PTX4: variants seen among roughly 807,000 people sequenced by gnomAD.
PTX4 encodes pentraxin 4.
A neutral mutation model predicts 19.1 loss-of-function variants in PTX4; 23 were observed. That is an observed-to-expected ratio of 1.20 (90% CI 0.87 to 1.70). The LOEUF (loss-of-function observed/expected upper bound fraction) is 1.70. Ranked by LOEUF, PTX4 falls within the 40% of genes most tolerant of loss-of-function variation. The pLI is 0.00. For synonymous variants in PTX4, 317 were observed against 279.6 expected, an observed-to-expected ratio of 1.13 and a Z score of -1.33; for missense variants, 678 against 610.5, an observed-to-expected ratio of 1.11 and a Z score of -1.17.
At position 1,487,640 on chromosome 16, in the gene PTX4, C is replaced by A; in HGVS notation, c.472G>T (p.Glu158Ter). The change falls in exon 2 of 3, where the codon GAG (glutamate) becomes TAG (stop). Residue 158 changes from glutamate (E) to a stop codon, truncating the protein, a stop_gained. Coordinates refer to ENST00000447419, the MANE Select transcript of PTX4 (RefSeq NM_001328608.2). LOFTEE classifies it high-confidence loss of function. ...DALQDSLARL[E>*]GLVHSQGARL... ...GCGCCCTGGCTGTGGACGAGGCCCT[C>A]CAGGCGTGCCAGTGAGTCCTGCAGG... 6.3e-7 allele frequency: 1 copy of A among 1,582,340 alleles called. No homozygotes were observed. Among genetic ancestry groups the A allele is most frequent in the Non-Finnish European group, 8.6e-7 (1 of 1,160,622 alleles).
intron 1 of PTX4, chr16:1,488,385 T>C (rs1188323402): frequency 1.2e-6 from 2 of 1,613,792 alleles, no homozygotes; most frequent in African/African-American, 2.7e-5. Flanking sequence ...GAACTGTCCG[T>C]GGACCCCGCG....
At position 1,487,699 on chromosome 16, in the gene PTX4, C is replaced by T. The variant is rs570112487; in HGVS notation, c.413G>A (p.Arg138Gln). 276 of 1,611,008 alleles carry T rather than the reference C, an allele frequency of 1.7e-4. 2 individuals carry two copies. The highest frequency in any genetic ancestry group is 4.0e-4 in the East Asian group (18 of 44,824). The change falls in exon 2 of 3, where the codon CGG becomes CAG. Residue 138 changes from arginine to glutamine, a missense_variant. Coordinates refer to ENST00000447419, the MANE Select transcript of PTX4 (RefSeq NM_001328608.2). ...CTGGGCCTTGTGTGCCTTCCTTTCC[C>T]GGGCCCGCTGCTGGCTCCTCTCGCC... ...TLGERSQQRA[R>Q]ERKAHKAQRD...
Position 1,486,495 on chromosome 16 carries a change from A to G in PTX4, c.881T>C (p.Leu294Pro), listed in dbSNP as rs150856879. The G allele has an allele frequency of 4.6e-4, 739 of 1,610,400 alleles. 3 individuals are homozygous for G. In the African/African-American group the frequency reaches 8.8e-3, roughly 19 times the overall value. ...VFLSPGFVTA[L>P]RALSFCSWVR... is the part of the protein sequence containing the mutation. The stretch of plus-strand genomic sequence containing the variant: ...CCAGCTGCAGAAGGACAGGGCTCGC[A>G]GGGCAGTGACGAAACCAGGGCTGAG... Residue 294 changes from leucine to proline, a missense_variant, in exon 3 of 3, where the codon CTG becomes CCG. Coordinates refer to ENST00000447419, the MANE Select transcript of PTX4 (RefSeq NM_001328608.2).
chr16:1,487,184 G>T, intron 2 of PTX4, 132 bp downstream of exon 2: 3 of 847,468 alleles, frequency 3.5e-6, no homozygotes, highest in Non-Finnish European at 5.0e-6. Context: ...CACCCCCCCC[G>T]ATGATCCGAG....
chr16:1,487,408 T>G lies in PTX4; in HGVS notation c.704A>C (p.Glu235Ala). Residue 235 changes from glutamate (E) to alanine (A), a missense_variant, in exon 2 of 3, where the codon GAG (glutamate) becomes GCG (alanine). By Grantham distance (107) the Glu-to-Ala change is moderately radical (BLOSUM62 -1). Coordinates refer to ENST00000447419, the MANE Select transcript of PTX4 (RefSeq NM_001328608.2). ...DSSAPLQGRR[E>A]PPASGSHRVL... Reference sequence around the variant, plus strand: ...CCGATGGCTGCCTGAGGCTGGAGGCTCCCGCCTCCCTTGGAGAGGGGCCGA... The same window carrying G: ...CCGATGGCTGCCTGAGGCTGGAGGCGCCCGCCTCCCTTGGAGAGGGGCCGA... 1 of 1,534,338 alleles carries G rather than the reference T, an allele frequency of 6.5e-7. No homozygotes were observed. Among genetic ancestry groups the G allele is most frequent in the Non-Finnish European group, 8.7e-7 (1 of 1,147,380 alleles).
chr16:1,486,400 C>G lies in PTX4; in HGVS notation c.976G>C (p.Val326Leu), dbSNP rs1277619387. ...AGCAGGGAGTCTCGGCCGTGCAGCA[C>G]CAGCTTGTTGTCATTGTCCTCGGTG... Reference protein sequence around the residue: ...YATEDNDNKLVLHGRDSLLPG... With the variant: ...YATEDNDNKLLLHGRDSLLPG... Residue 326 changes from valine to leucine, a missense_variant, in exon 3 of 3, where the codon GTG becomes CTG. Physicochemically the swap from Val to Leu is conservative, Grantham distance 32 (BLOSUM62 1). Coordinates refer to ENST00000447419, the MANE Select transcript of PTX4 (RefSeq NM_001328608.2). 1 of 1,613,882 alleles carries G rather than the reference C, an allele frequency of 6.2e-7. No homozygotes were observed. Among genetic ancestry groups the G allele is most frequent in the African/African-American group, 1.3e-5 (1 of 74,946 alleles).
rs762652736 is a variant in PTX4, at chr16:1,486,389, G to A, written c.987C>T (p.Gly329=). Residue 329 remains glycine, a synonymous_variant, in exon 3 of 3, where the codon GGC becomes GGT. Coordinates refer to ENST00000447419, the MANE Select transcript of PTX4 (RefSeq NM_001328608.2). ...TGGATCCGGGCAGCAGGGAGTCTCG[G>A]CCGTGCAGCACCAGCTTGTTGTCAT... ...EDNDNKLVLH[G]RDSLLPGSIH... is the part of the protein sequence containing the mutation. 5.6e-6 allele frequency: 9 copies of A among 1,613,982 alleles called. No homozygotes were observed. The East Asian group carries it at 2.0e-4, about 36-fold the overall frequency.
rs1210848267 is a variant in PTX4 at position 1,486,273 on chromosome 16, G to A, written c.1103C>T (p.Thr368Met). 1.5e-5 allele frequency: 25 copies of A among 1,613,202 alleles called. No individual in the cohort carries two copies. Among genetic ancestry groups the A allele is most frequent in the Middle Eastern group, 1.6e-4 (1 of 6,078 alleles). Reference protein sequence around the residue: ...GQWHHICVIWTSTQGRYWLHV... With the variant: ...GQWHHICVIWMSTQGRYWLHV... ...GAGCCAGTACCTGCCCTGGGTGGAC[G>A]TCCAGATGACACAGATGTGGTGCCA... The change falls in exon 3 of 3, where the codon ACG (threonine) becomes ATG (methionine). Residue 368 changes from threonine (T) to methionine (M), a missense_variant. Coordinates refer to ENST00000447419, the MANE Select transcript of PTX4 (RefSeq NM_001328608.2).
In PTX4 at chr16:1,487,618, C is replaced by T. The variant is rs1485005064; in HGVS notation, c.494G>A (p.Gly165Asp). 6.4e-7 allele frequency: 1 copy of T among 1,574,578 alleles called. No individual in the cohort carries two copies. ...ARLEGLVHSQ[G>D]ARLAALEGRL... ...CCCCTCCAGAGCAGCCAGCCTGGCG[C>T]CCTGGCTGTGGACGAGGCCCTCCAG... Residue 165 changes from glycine to aspartate, a missense_variant, in exon 2 of 3, where the codon GGC becomes GAC. Transcript: ENST00000447419.
intron 2 of PTX4, 131 bp downstream of exon 2, chr16:1,487,184 GA>G (rs2039253599): frequency 1.2e-6 from 1 of 847,350 alleles, no homozygotes; most frequent in South Asian, 2.9e-5. Context: ...CACCCCCCCC[GA>G]TGATCCGAGA....
chr16:1,488,796 G>A lies in PTX4; in HGVS notation c.114C>T (p.Phe38=), dbSNP rs1268529885. 7.1e-6 allele frequency: 5 copies of A among 701,992 alleles called. No homozygotes were observed. The highest frequency in any genetic ancestry group is 2.7e-5 in the East Asian group (1 of 37,282). 43.5% of individuals were successfully genotyped at this position (701,992 alleles called of 1,614,324 possible). The change falls in exon 1 of 3, where the codon TTC becomes TTT. Residue 38 remains phenylalanine (F), a synonymous_variant. Transcript: ENST00000447419. ...GTTCCTCCAGCCTACGGAGCCTCTCGAAAAACGGTTTCCTGGGCCCCACTG... is the reference window on the plus strand; with the variant it reads ...GTTCCTCCAGCCTACGGAGCCTCTCAAAAAACGGTTTCCTGGGCCCCACTG... ...AAPVGPRKPF[F]ERLRRLEEQF...
intron 1 of PTX4, chr16:1,488,537 C>A: frequency 7.1e-7 from 1 of 1,401,860 alleles, no homozygotes; most frequent in Non-Finnish European, 1.0e-6. Context: ...GCCTCTGGCC[C>A]CACCTGACCC....
rs2039275360 is a variant in PTX4 at position 1,488,921 on chromosome 16, G to A, written c.-12C>T. The A allele has an allele frequency of 1.4e-6, 1 of 692,764 alleles. No homozygotes were observed. The highest frequency in any genetic ancestry group is 2.6e-6 in the Non-Finnish European group (1 of 377,372). The allele number at this position is 692,764 out of a possible 1,614,324, so 42.9% of individuals were successfully genotyped here. On this transcript the variant is annotated 5_prime_UTR_variant, in exon 1 of 3. Coordinates refer to ENST00000447419, the MANE Select transcript of PTX4 (RefSeq NM_001328608.2). ...CACGAGCAACCCATCCGGAGAGACGGCAAGGCCCCAGCAGTCTCCCTCCAG... is the reference window on the plus strand; with the variant it reads ...CACGAGCAACCCATCCGGAGAGACGACAAGGCCCCAGCAGTCTCCCTCCAG...
intron 2 of PTX4, 142 bp downstream of exon 2, chr16:1,487,174 C>A: frequency 1.3e-6 from 1 of 769,084 alleles, no homozygotes; most frequent in East Asian, 3.2e-5. Flanking sequence ...GACGGTGGGC[C>A]ACCCCCCCCG....
Position 1,486,561 on chromosome 16 carries a change from G to A in PTX4, c.815C>T (p.Thr272Ile). The change falls in exon 3 of 3, where the codon ACC becomes ATC. Residue 272 changes from threonine (T) to isoleucine (I), a missense_variant. Physicochemically the swap from Thr to Ile is moderately conservative, Grantham distance 89. Coordinates refer to ENST00000447419, the MANE Select transcript of PTX4 (RefSeq NM_001328608.2). The stretch of plus-strand genomic sequence containing the variant: ...GGTGGAGGCGTTTGGGAAAACGAGG[G>A]TGGGGCCCACGCCGCAAACTAGAAA... Reference protein sequence around the residue: ...VPGEICGVGPTLVFPNASTRN... With the variant: ...VPGEICGVGPILVFPNASTRN... The A allele has an allele frequency of 1.3e-6, 2 of 1,553,906 alleles. No homozygotes were observed. The highest frequency in any genetic ancestry group is 1.7e-6 in the Non-Finnish European group (2 of 1,152,118).
Position 1,488,910 on chromosome 16 carries a change from C to T in PTX4, c.-1G>A, listed in dbSNP as rs1212538810. 1.4e-6 allele frequency: 1 copy of T among 695,722 alleles called. No homozygotes were observed. The highest frequency in any genetic ancestry group is 2.0e-5 in the Admixed American group (1 of 49,662). 43.1% of individuals were successfully genotyped at this position (695,722 alleles called of 1,614,324 possible). The stretch of plus-strand genomic sequence containing the variant: ...AGGTCTTCCTCCACGAGCAACCCAT[C>T]CGGAGAGACGGCAAGGCCCCAGCAG... On this transcript the variant is annotated 5_prime_UTR_variant, in exon 1 of 3. Coordinates refer to ENST00000447419, the MANE Select transcript of PTX4 (RefSeq NM_001328608.2).
At chr16:1,488,219 T>C (rs1362654951) in intron 1 of PTX4, 1 of 1,402,720 alleles carries the variant, frequency 7.1e-7, no homozygotes. Flanking sequence ...GGGGCTCTGA[T>C]CCCCACCGCT....
At chr16:1,486,718 G>C in intron 2 of PTX4, 139 bp from the exon 3 acceptor site, 14 of 861,524 alleles carry the variant, frequency 1.6e-5, no homozygotes, top group Non-Finnish European at 2.4e-5. Flanking sequence ...TGGCCCTGCC[G>C]ATGGCTCCCC....
At position 1,488,028 on chromosome 16, in the gene PTX4, G is replaced by A. The variant is rs181474282; in HGVS notation, c.142-58C>T. ...CCGGGCCGGGCCGGCTGGGCGGGAC[G>A]GGAAAGGCTTTGCCCTCTCAAGTTG... is the stretch of plus-strand genomic sequence containing the variant. On this transcript the variant is annotated intron_variant, in intron 1 of 2. Transcript: ENST00000447419. The A allele has an allele frequency of 4.7e-4, 695 of 1,493,508 alleles. 1 individual carries two copies. The African/African-American group carries it at 8.6e-3, about 18-fold the overall frequency. 92.5% of individuals were successfully genotyped at this position (1,493,508 alleles called of 1,614,324 possible).
Sources: gnomAD v4.1 joint callset for allele counts on GRCh38, gnomAD v4.1.1 for gene constraint, MANE v1.5 for transcripts, NCBI Gene and HGNC (gene_info 2026-07-23, HGNC 2026-07-21) for gene names.